TMC1: variants seen among roughly 807,000 people sequenced by gnomAD.
The protein encoded by TMC1 is transmembrane channel-like protein 1.
In TMC1, 84 loss-of-function variants were observed where a neutral mutation model predicts 105.8. The ratio of observed to expected loss-of-function variants is 0.79; its 90% CI spans 0.67 to 0.95. TMC1 has a LOEUF of 0.95. Among genes scored for constraint, TMC1 ranks in the 40% least tolerant of loss-of-function variants. The pLI, the probability that TMC1 is intolerant of heterozygous loss-of-function variation, is 0.00. For missense variants in TMC1, 817 were observed against 914.1 expected, an observed-to-expected ratio of 0.89 and a Z score of 1.37; for synonymous variants, 315 against 311.5, an observed-to-expected ratio of 1.01 and a Z score of -0.12.
chr9:72,587,625 G>A (rs1424839818), intron 2 of TMC1, among the ~76,000 whole-genome samples: 1 of 152,182 alleles, frequency 6.6e-6, no homozygotes, highest in Admixed American at 6.5e-5. Flanking sequence ...CCACCACTAT[G>A]AGAGGGGGAA....
intron 17 of TMC1, among the ~76,000 whole-genome samples, chr9:72,793,542 C>T (rs975290806): frequency 2.0e-5 from 3 of 152,152 alleles, no homozygotes; most frequent in Admixed American, 6.5e-5. Context: ...GTCTCCTATC[C>T]CTTTCCTCCT....
At chr9:72,712,088 G>A (rs1826846218) in intron 8 of TMC1, among the ~76,000 whole-genome samples, 1 of 152,088 alleles carries the variant, frequency 6.6e-6, no homozygotes, top group Admixed American at 6.5e-5. Flanking sequence ...TAGATGTATG[G>A]CGTTATTTCT....
In TMC1 at chr9:72,550,657, C is replaced by CAAAA. The variant is rs71493659; in HGVS notation, c.-427-27226_-427-27223dup. Among the ~76,000 whole-genome samples, 303 of 61,516 alleles carry CAAAA rather than the reference C, an allele frequency of 4.9e-3. 7 individuals are homozygous for CAAAA. Among genetic ancestry groups the CAAAA allele is most frequent in the African/African-American group, 8.8e-3 (138 of 15,752 alleles). 40.4% of individuals were successfully genotyped at this position (61,516 alleles called of 152,430 possible). A position where few individuals can be genotyped will look rare whatever the true frequency, so the allele number is the denominator to read the frequency against. On this transcript the variant is annotated intron_variant, in intron 1 of 23. Transcript: ENST00000297784. Reference sequence around the variant, plus strand: ...TGGGCGACAGAGGGAGACTCCATCTCAAAAAAAAAAAAAAAAAAAAAAGTA... The same window carrying CAAAA: ...TGGGCGACAGAGGGAGACTCCATCTCAAAAAAAAAAAAAAAAAAAAAAAAAAGTA...
At chr9:72,593,081 G>C (rs1323751649) in intron 2 of TMC1, among the ~76,000 whole-genome samples, 2 of 152,128 alleles carry the variant, frequency 1.3e-5, no homozygotes, top group Admixed American at 6.5e-5. Flanking sequence ...AATTTCTTTT[G>C]AAATGGTTGG....
chr9:72,535,007 T>A (rs1823554937), intron 1 of TMC1, among the ~76,000 whole-genome samples: 1 of 151,710 alleles, frequency 6.6e-6, no homozygotes, highest in Non-Finnish European at 1.5e-5. Flanking sequence ...CAAAAAGTCC[T>A]GATTCTTACA....
intron 2 of TMC1, among the ~76,000 whole-genome samples, chr9:72,598,596 C>G (rs994300408): frequency 1.3e-5 from 2 of 152,146 alleles, no homozygotes; most frequent in African/African-American, 4.8e-5. Flanking sequence ...AATACAATTA[C>G]TAAATTCTCC....
chr9:72,543,846 C>T (rs1309830370), intron 1 of TMC1, among the ~76,000 whole-genome samples: 1 of 152,080 alleles, frequency 6.6e-6, no homozygotes, highest in African/African-American at 2.4e-5. Flanking sequence ...AAGAGATCCT[C>T]TCATCTTAGC....
chr9:72,827,773 G>A (rs969987809), intron 21 of TMC1, among the ~76,000 whole-genome samples: 1 of 152,326 alleles, frequency 6.6e-6, no homozygotes, highest in African/African-American at 2.4e-5. Context: ...GAGCTGCCAC[G>A]ACTCTCAGTC....
intron 6 of TMC1, among the ~76,000 whole-genome samples, chr9:72,692,801 TAC>T (rs1352904287): frequency 4.6e-5 from 7 of 151,990 alleles, no homozygotes. Context: ...AGAATATATA[TAC>T]AGTTTTCCAA....
intron 4 of TMC1, among the ~76,000 whole-genome samples, chr9:72,636,796 A>G (rs1825541830): frequency 6.6e-6 from 1 of 151,980 alleles, no homozygotes; most frequent in South Asian, 2.1e-4. Flanking sequence ...AGAGGTTCTC[A>G]ACAATTGATT....
chr9:72,751,660 G>A (rs916383045), intron 10 of TMC1, among the ~76,000 whole-genome samples, 190 bp from the exon 11 acceptor site: 2 of 152,104 alleles, frequency 1.3e-5, no homozygotes, highest in East Asian at 1.9e-4. Context: ...CACATGACAG[G>A]GAATGCTTCC....
chr9:72,804,990 T>A (rs1828547195), intron 17 of TMC1, among the ~76,000 whole-genome samples: 1 of 152,250 alleles, frequency 6.6e-6, no homozygotes, highest in African/African-American at 2.4e-5. Context: ...AATCTTTTAA[T>A]GTGTTAGCAA....
In TMC1 at chr9:72,740,258, G is replaced by C. The variant is rs760155577; in HGVS notation, c.453+49G>C. On this transcript the variant is annotated intron_variant, in intron 9 of 23. Transcript: ENST00000297784. Reference sequence around the variant, plus strand: ...GTTTATGGCATATTGCCTCTAAGAAGAACACTGGTTCTTTTCTAAAGGGGT... The same window carrying C: ...GTTTATGGCATATTGCCTCTAAGAACAACACTGGTTCTTTTCTAAAGGGGT... 4.0e-6 allele frequency: 6 copies of C among 1,515,722 alleles called. No individual in the cohort carries two copies. The South Asian group carries it at 5.6e-5, about 14-fold the overall frequency. The allele number at this position is 1,515,722 out of a possible 1,614,324, so 93.9% of individuals were successfully genotyped here.
intron 4 of TMC1, among the ~76,000 whole-genome samples, chr9:72,647,495 G>C (rs2132149061): frequency 6.6e-6 from 1 of 152,120 alleles, no homozygotes; most frequent in South Asian, 2.1e-4. Context: ...TTATCTCTTT[G>C]TAAGTCCTTA....
At chr9:72,819,746 C>T (rs1427810989) in intron 19 of TMC1, among the ~76,000 whole-genome samples, 1 of 152,128 alleles carries the variant, frequency 6.6e-6, no homozygotes, top group African/African-American at 2.4e-5. Context: ...ATTGGCTAAA[C>T]AACTATTCAG....
intron 8 of TMC1, among the ~76,000 whole-genome samples, chr9:72,708,507 C>T (rs1588042955): frequency 1.4e-5 from 2 of 146,422 alleles, no homozygotes; most frequent in South Asian, 4.3e-4. Flanking sequence ...ATCCCAAGTA[C>T]TTTTTTTTTT....
intron 13 of TMC1, among the ~76,000 whole-genome samples, chr9:72,774,286 TTAAA>T (rs1016341099): frequency 2.6e-5 from 4 of 152,184 alleles, no homozygotes; most frequent in East Asian, 1.9e-4. Context: ...CTAGTAGTCA[TTAAA>T]TAAATAGACA....
intron 1 of TMC1, among the ~76,000 whole-genome samples, chr9:72,547,194 GGA>G (rs1823784391): frequency 2.6e-5 from 4 of 151,892 alleles, no homozygotes; most frequent in South Asian, 4.2e-4. Context: ...GGATGAGGCA[GGA>G]GAGTGGTTTA....
intron 13 of TMC1, among the ~76,000 whole-genome samples, chr9:72,786,726 C>T (rs533016433): frequency 6.6e-6 from 1 of 152,258 alleles, no homozygotes; most frequent in Non-Finnish European, 1.5e-5. Flanking sequence ...GGGCATCTTT[C>T]CTTATTCCTT....
Sources: allele counts gnomAD v4.1 joint callset (sites outside exome capture counted in the v4.1 genomes callset), GRCh38; gene constraint gnomAD v4.1.1; transcripts MANE v1.5; gene names NCBI Gene and HGNC (gene_info 2026-07-23, HGNC 2026-07-21).